The following MGST2 variants were observed in gnomAD, a reference collection of about 807,000 sequenced individuals.
MGST2 encodes the protein glutathione peroxidase MGST2.
MGST2 carries 9 observed loss-of-function variants against 16.6 expected under a neutral mutation model. That is an observed-to-expected ratio of 0.54 (90% confidence interval 0.33 to 0.95). The LOEUF is 0.95. MGST2 is among the 40% of genes least tolerant of loss of function. The pLI, the probability that MGST2 is intolerant of heterozygous loss-of-function variation, is 0.03. For synonymous variants in MGST2, 79 were observed against 68.0 expected (o/e 1.16, Z -0.79); for missense variants, 159 against 175.1 (o/e 0.91, Z 0.52).
intron 2 of MGST2, chr4:139,685,177 T>A (rs1731493739): frequency 6.6e-6 from 1 of 152,472 alleles, no homozygotes; most frequent in East Asian, 1.9e-4. Context: ...TGCTAATGGC[T>A]CTCTTCCACT....
At chr4:139,685,043 T>C (rs550303631) in intron 2 of MGST2, 2 of 152,340 alleles carry the variant, frequency 1.3e-5, no homozygotes, top group Non-Finnish European at 2.9e-5. Flanking sequence ...CTTCTTTTGG[T>C]TCTGGGGTAA....
At chr4:139,729,791 A>G (rs1728627137) in intron 5 of MGST2, among the ~76,000 whole-genome samples, 1 of 152,232 alleles carries the variant, frequency 6.6e-6, no homozygotes, top group Admixed American at 6.5e-5. Flanking sequence ...AAGATGCTTA[A>G]GGTAAAGCTG....
intron 2 of MGST2, among the ~76,000 whole-genome samples, chr4:139,682,266 A>G (rs1179557444): frequency 1.3e-5 from 2 of 151,650 alleles, no homozygotes; most frequent in Non-Finnish European, 2.9e-5. Flanking sequence ...ACAAAAACAG[A>G]AAGGATAGCG....
intron 5 of MGST2, among the ~76,000 whole-genome samples, chr4:139,728,628 G>A (rs1337475927): frequency 2.0e-5 from 3 of 152,200 alleles, no homozygotes; most frequent in Admixed American, 1.3e-4. Context: ...GGTACACACA[G>A]TTGCTACGGA....
chr4:139,675,954 G>A (rs1730937066), intron 1 of MGST2, among the ~76,000 whole-genome samples: 1 of 152,082 alleles, frequency 6.6e-6, no homozygotes, highest in South Asian at 2.1e-4. Context: ...CCTGGAACCG[G>A]CCTTAGATAT....
At chr4:139,689,351 C>T (rs1726437652) in intron 2 of MGST2, among the ~76,000 whole-genome samples, 1 of 152,172 alleles carries the variant, frequency 6.6e-6, no homozygotes, top group South Asian at 2.1e-4. Flanking sequence ...GGGACTCATG[C>T]TCTCCTGCCA....
At chr4:139,666,121 TG>T in intron 1 of MGST2, 44 bp downstream of exon 1, 1 of 557,172 alleles carries the variant, frequency 1.8e-6, no homozygotes, top group Non-Finnish European at 2.3e-6. Context: ...TGTGTGCGTG[TG>T]TGTGTGTGTG....
rs1730306597 is a variant in MGST2, at chr4:139,665,927, C to G, written c.-93C>G. The G allele has an allele frequency of 6.0e-6, 8 of 1,325,508 alleles. No homozygotes were observed. Among genetic ancestry groups the G allele is most frequent in the Admixed American group, 1.8e-5 (1 of 55,374 alleles). The allele number at this position is 1,325,508 out of a possible 1,614,324, so 82.1% of individuals were successfully genotyped here. On this transcript the variant is annotated 5_prime_UTR_variant, in exon 1 of 5. Transcript: ENST00000265498. The stretch of plus-strand genomic sequence containing the variant: ...CAGCCTTTTCCCCCCACCCGGTCCC[C>G]AACTTTGTTTACCCGATAAGGAAGG...
chr4:139,691,666 A>AGAT (rs376635466), intron 2 of MGST2, among the ~76,000 whole-genome samples: 297 of 144,092 alleles, frequency 2.1e-3, no homozygotes, highest in South Asian at 3.4e-3. Context: ...ACTGGCAGTC[A>AGAT]GATGATGATG....
rs116474387 is a variant in MGST2, at chr4:139,727,562, C to A, written c.*49-12650C>A. ...CATATAAATCACATAAGCTCAGTTT[C>A]CCCACATAACCTCAGTTCCTCATTT... On this transcript the variant is annotated intron_variant, in intron 5 of 5. Transcript: ENST00000616265. Among the ~76,000 whole-genome samples the A allele has an allele frequency of 9.0e-3, 1,375 of 152,256 alleles. 20 individuals carry two copies. The highest frequency in any genetic ancestry group is 0.032 in the African/African-American group (1,316 of 41,538).
downstream of MGST2, among the ~76,000 whole-genome samples, chr4:139,705,888 C>T (rs1391861596): frequency 6.6e-6 from 1 of 152,146 alleles, no homozygotes; most frequent in East Asian, 1.9e-4. Flanking sequence ...GACTTTTCCT[C>T]ATTTTCTTCA....
Position 139,735,625 on chromosome 4 carries a change from C to G in MGST2, c.*49-4587C>G, listed in dbSNP as rs979087517. On this transcript the variant is annotated intron_variant, in intron 5 of 5. Transcript: ENST00000616265. The surrounding 1 kb of genome is among the most constrained non-coding windows in gnomAD (Gnocchi z 5.8). ...CCGCTGCTTCGGCTCAGAGTCCTTG[C>G]AATCGCTTGGCCTACGAACAACCTA... is the stretch of plus-strand genomic sequence containing the variant. Among the ~76,000 whole-genome samples, 37 of 152,230 alleles carry G rather than the reference C, an allele frequency of 2.4e-4. No homozygotes were observed. Among genetic ancestry groups the G allele is most frequent in the African/African-American group, 8.9e-4 (37 of 41,458 alleles).
chr4:139,681,823 C>A (rs1204449743), intron 2 of MGST2, among the ~76,000 whole-genome samples: 3 of 152,086 alleles, frequency 2.0e-5, no homozygotes. Context: ...ATGAACAAAT[C>A]CCACAAAAAT....
chr4:139,746,568 A>C, the MGST2 span, among the ~76,000 whole-genome samples: 1 of 152,120 alleles, frequency 6.6e-6, no homozygotes, highest in African/African-American at 2.4e-5. Context: ...TTCTAATCCC[A>C]GGGAGGGGCT....
At chr4:139,728,740 T>C (rs1265259606) in intron 5 of MGST2, among the ~76,000 whole-genome samples, 1 of 152,154 alleles carries the variant, frequency 6.6e-6, no homozygotes, top group Admixed American at 6.5e-5. Flanking sequence ...ACCTCTCACC[T>C]CCTTGTCTGG....
chr4:139,703,910 A>G (rs540097795), intron 4 of MGST2, 106 bp from the exon 5 acceptor site: 9 of 1,445,638 alleles, frequency 6.2e-6, no homozygotes, highest in African/African-American at 2.8e-5. Context: ...TTGCAAAAAT[A>G]TAGAAGTTCT....
downstream of MGST2, among the ~76,000 whole-genome samples, chr4:139,744,689 C>G (rs1729266765): frequency 6.6e-6 from 1 of 152,212 alleles, no homozygotes; most frequent in Admixed American, 6.5e-5. Flanking sequence ...CTCTCAGACT[C>G]TCACTGCAGT....
At chr4:139,752,563 GC>G in the MGST2 span, among the ~76,000 whole-genome samples, 8 of 152,190 alleles carry the variant, frequency 5.3e-5, no homozygotes, top group Non-Finnish European at 1.0e-4. Context: ...GTCATGGGAA[GC>G]TTTGGAAGCC....
downstream of MGST2, chr4:139,704,344 A>G (rs1170627270): frequency 1.4e-5 from 9 of 642,958 alleles, no homozygotes; most frequent in Non-Finnish European, 1.9e-5. Context: ...TCATCAGTGG[A>G]AGTGTGTTGT....
Sources: allele counts gnomAD v4.1 joint callset (sites outside exome capture counted in the v4.1 genomes callset), GRCh38; gene constraint gnomAD v4.1.1; non-coding constraint Gnocchi (gnomAD v3.1); transcripts MANE v1.5; gene names NCBI Gene and HGNC (gene_info 2026-07-23, HGNC 2026-07-21).